The following MORC1 variants were observed in gnomAD, a reference collection of about 807,000 sequenced individuals.
The protein encoded by MORC1 is MORC family CW-type zinc finger protein 1.
In MORC1, 59 loss-of-function variants were observed where a neutral mutation model predicts 134.9. The observed-to-expected ratio is 0.44, with a 90% CI of 0.35 to 0.54. MORC1 has a LOEUF of 0.54. Ranked by LOEUF, MORC1 falls within the 20% of genes least tolerant of loss-of-function variation. MORC1 has a pLI of 0.00. For synonymous variants in MORC1, 395 were observed against 391.7 expected, an observed-to-expected ratio of 1.01 and a Z score of -0.10; for missense variants, 947 against 1,134.5, an observed-to-expected ratio of 0.83 and a Z score of 2.37.
chr3:109,017,066 C>T (rs1948831395), intron 17 of MORC1, among the ~76,000 whole-genome samples: 1 of 152,146 alleles, frequency 6.6e-6, no homozygotes. Flanking sequence ...AACTTCCTAA[C>T]ACAGCTTATT....
chr3:109,088,884 T>C (rs1465126895), intron 8 of MORC1, among the ~76,000 whole-genome samples: 2 of 152,130 alleles, frequency 1.3e-5, no homozygotes, highest in Non-Finnish European at 2.9e-5. Flanking sequence ...TATGCTGCCA[T>C]ATAAAAGAAC....
chr3:108,989,912 T>C (rs1947999791), intron 21 of MORC1, among the ~76,000 whole-genome samples: 2 of 152,180 alleles, frequency 1.3e-5, no homozygotes, highest in African/African-American at 4.8e-5. Flanking sequence ...TCTTGAATTG[T>C]AGCTCCCATA....
chr3:109,039,834 G>A (rs2107629178), intron 14 of MORC1, among the ~76,000 whole-genome samples: 1 of 152,294 alleles, frequency 6.6e-6, no homozygotes, highest in South Asian at 2.1e-4. Flanking sequence ...ATGGTTGCAA[G>A]CCCCTCCCCT....
chr3:109,021,590 A>G (rs1225506652), intron 17 of MORC1, among the ~76,000 whole-genome samples: 3 of 152,230 alleles, frequency 2.0e-5, no homozygotes, highest in African/African-American at 7.2e-5. Flanking sequence ...GGCATTCCTC[A>G]GTGTCAACCC....
chr3:109,051,015 CTTT>C (rs1196702278), intron 14 of MORC1, among the ~76,000 whole-genome samples: 1 of 152,158 alleles, frequency 6.6e-6, no homozygotes, highest in Admixed American at 6.5e-5. Context: ...TTTCTCCCCA[CTTT>C]TTATTTATCC....
At chr3:109,059,096 A>C (rs1559927076) in intron 12 of MORC1, among the ~76,000 whole-genome samples, 1 of 152,164 alleles carries the variant, frequency 6.6e-6, no homozygotes, top group Non-Finnish European at 1.5e-5. Flanking sequence ...TTTACATTTA[A>C]AATTTAAGTT....
At chr3:109,077,565 A>G (rs948673477) in intron 8 of MORC1, among the ~76,000 whole-genome samples, 1 of 152,166 alleles carries the variant, frequency 6.6e-6, no homozygotes, top group Non-Finnish European at 1.5e-5. Flanking sequence ...CTGAAAGTAT[A>G]TAATGGAGCA....
chr3:109,090,633 A>C (rs536072198), intron 8 of MORC1, among the ~76,000 whole-genome samples: 9 of 151,700 alleles, frequency 5.9e-5, no homozygotes, highest in East Asian at 1.9e-4. Flanking sequence ...AAAAAAAAAA[A>C]AAAAAAAAAC....
chr3:109,076,213 A>G (rs538420200), intron 8 of MORC1, among the ~76,000 whole-genome samples: 1 of 152,378 alleles, frequency 6.6e-6, no homozygotes, highest in East Asian at 1.9e-4. Flanking sequence ...TATGTGGCCA[A>G]CAAACGTATG....
chr3:109,031,701 G>A (rs1358280087), intron 16 of MORC1, among the ~76,000 whole-genome samples: 1 of 152,056 alleles, frequency 6.6e-6, no homozygotes, highest in Non-Finnish European at 1.5e-5. Context: ...TTATAATCAC[G>A]GTCCCTGGAG....
chr3:108,982,007 T>C (rs976335210), intron 23 of MORC1, among the ~76,000 whole-genome samples: 18 of 152,154 alleles, frequency 1.2e-4, no homozygotes, highest in Non-Finnish European at 2.4e-4. Flanking sequence ...AATCTATACA[T>C]CTGACAAAGG....
chr3:109,081,643 C>A (rs149473648), intron 8 of MORC1, among the ~76,000 whole-genome samples: 207 of 152,110 alleles, frequency 1.4e-3, no homozygotes, highest in African/African-American at 3.7e-3. Flanking sequence ...TTACTAGAGA[C>A]AGGGTTTCAG....
intron 25 of MORC1, among the ~76,000 whole-genome samples, chr3:108,970,105 TG>T (rs1461045908): frequency 6.6e-6 from 1 of 151,782 alleles, no homozygotes; most frequent in Admixed American, 6.6e-5. Context: ...CACTGGCATG[TG>T]GGGGGTAGTA....
At chr3:108,998,983 G>A (rs1948316712) in intron 21 of MORC1, among the ~76,000 whole-genome samples, 1 of 152,166 alleles carries the variant, frequency 6.6e-6, no homozygotes, top group African/African-American at 2.4e-5. Context: ...CAAAGTAAGG[G>A]CTCCATGAAA....
At chr3:108,987,925 C>G (rs1559874167) in intron 21 of MORC1, among the ~76,000 whole-genome samples, 1 of 151,922 alleles carries the variant, frequency 6.6e-6, no homozygotes, top group Non-Finnish European at 1.5e-5. Flanking sequence ...AAGCTCCTGT[C>G]TGCTCCTTGT....
At chr3:109,086,087 G>C (rs967439936) in intron 8 of MORC1, among the ~76,000 whole-genome samples, 2 of 152,094 alleles carry the variant, frequency 1.3e-5, no homozygotes, top group African/African-American at 4.8e-5. Context: ...CCAGAGGCAA[G>C]GTAATAGGAT....
At chr3:109,047,703 G>A (rs1330879718) in intron 14 of MORC1, among the ~76,000 whole-genome samples, 1 of 152,028 alleles carries the variant, frequency 6.6e-6, no homozygotes, top group Non-Finnish European at 1.5e-5. Context: ...TCTTTTAATT[G>A]TCTCTTACTC....
chr3:109,079,426 C>T (rs565690946), intron 8 of MORC1, among the ~76,000 whole-genome samples: 12 of 151,970 alleles, frequency 7.9e-5, no homozygotes, highest in African/African-American at 2.7e-4. Flanking sequence ...AGCTATTATG[C>T]AGAAAAGAAT....
At chr3:109,110,173 T>C (rs1282297826) in intron 3 of MORC1, 2 of 152,376 alleles carry the variant, frequency 1.3e-5, no homozygotes. Context: ...GTAGCCAATA[T>C]TGCAGAACAG....
Sources: allele counts gnomAD v4.1 joint callset (sites outside exome capture counted in the v4.1 genomes callset), GRCh38; gene constraint gnomAD v4.1.1; transcripts MANE v1.5; gene names NCBI Gene and HGNC (gene_info 2026-07-23, HGNC 2026-07-21).